Variants in LARP4 observed in about 807,000 individuals in gnomAD.
LARP4 encodes la-related protein 4.
LARP4 carries 29 observed loss-of-function variants against 92.9 expected under a neutral mutation model. The ratio of observed to expected loss-of-function variants is 0.31; its 90% CI spans 0.23 to 0.43. The LOEUF is 0.43. Ranked by LOEUF, LARP4 falls within the 20% of genes least tolerant of loss-of-function variation. The pLI is 1.00. For synonymous variants in LARP4, 279 were observed against 284.1 expected, an observed-to-expected ratio of 0.98 and a Z score of 0.18; for missense variants, 732 against 860.0, an observed-to-expected ratio of 0.85 and a Z score of 1.86.
chr12:50,449,923 ATTTTTTTTTTTTTT>A (rs60763691), intron 8 of LARP4, among the ~76,000 whole-genome samples: 25 of 47,026 alleles, frequency 5.3e-4, no homozygotes, highest in African/African-American at 1.7e-3. Flanking sequence ...AGCCATAGCA[ATTTTTTTTTTTTTT>A]TTTTTTTTTT....
intron 1 of LARP4, among the ~76,000 whole-genome samples, chr12:50,427,108 G>A (rs1251017141): frequency 6.6e-6 from 1 of 151,978 alleles, no homozygotes; most frequent in Non-Finnish European, 1.5e-5. Context: ...ACACTTGCAG[G>A]ACAGATGGAA....
chr12:50,423,900 G>A (rs1592927492), intron 1 of LARP4, among the ~76,000 whole-genome samples: 1 of 151,446 alleles, frequency 6.6e-6, no homozygotes, highest in Non-Finnish European at 1.5e-5. Context: ...GATTACAGGC[G>A]CCCGCCACCA....
chr12:50,472,823 CTT>C (rs779219895), intron 13 of LARP4, among the ~76,000 whole-genome samples: 4 of 141,880 alleles, frequency 2.8e-5, no homozygotes, highest in Non-Finnish European at 6.2e-5. Flanking sequence ...CTATGTTTAA[CTT>C]TTTTTTTTTT....
rs780089981 is a variant in LARP4, at chr12:50,474,199, A to C, written c.1836+32A>C. 2.0e-4 allele frequency: 312 copies of C among 1,542,150 alleles called. 1 individual carries two copies. Among genetic ancestry groups the C allele is most frequent in the Non-Finnish European group, 2.7e-4 (308 of 1,137,094 alleles). ...TGAAGATTTTAGTTTATGTTAAAAA[A>C]AATACAATAGATTAGATTTTTTTTT... is the stretch of plus-strand genomic sequence containing the variant. On this transcript the variant is annotated intron_variant, in intron 15 of 15. Transcript: ENST00000398473.
chr12:50,466,963 C>T lies in LARP4; in HGVS notation c.1388C>T (p.Pro463Leu). The T allele has an allele frequency of 1.2e-6, 2 of 1,607,256 alleles. No homozygotes were observed. Among genetic ancestry groups the T allele is most frequent in the South Asian group, 2.2e-5 (2 of 90,730 alleles). The change falls in exon 13 of 16, where the codon CCT (proline) becomes CTT (leucine). Residue 463 changes from proline (P) to leucine (L), a missense_variant. Transcript: ENST00000398473. ...RRREDDRISR[P>L]HPSTAESKAP... ...TTTATTATTTGTTCATTTTAGAGACCTCATCCTTCAACAGCTGAATCAAAG... is the reference window on the plus strand; with the variant it reads ...TTTATTATTTGTTCATTTTAGAGACTTCATCCTTCAACAGCTGAATCAAAG...
chr12:50,473,627 A>T (rs1593491620), intron 14 of LARP4, 91 bp downstream of exon 14: 2 of 1,346,272 alleles, frequency 1.5e-6, no homozygotes, highest in East Asian at 5.1e-5. Flanking sequence ...GCACTTTGGG[A>T]GGCCGAGGCA....
Position 50,430,584 on chromosome 12 carries a change from C to T in LARP4, c.398+14C>T, listed in dbSNP as rs748786676. 1.3e-6 allele frequency: 2 copies of T among 1,513,132 alleles called. No homozygotes were observed. Among genetic ancestry groups the T allele is most frequent in the Non-Finnish European group, 1.8e-6 (2 of 1,099,342 alleles). The allele number at this position is 1,513,132 out of a possible 1,614,324, so 93.7% of individuals were successfully genotyped here. A position where few individuals can be genotyped will look rare whatever the true frequency, so the allele number is the denominator to read the frequency against. On this transcript the variant is annotated intron_variant, in intron 4 of 15. Coordinates refer to ENST00000398473, the MANE Select transcript of LARP4 (RefSeq NM_052879.5). ...CTGTTTTTCACGGTATTGCTGTTTC[C>T]CCTTTATTGAATTTTATTAGTAGAT...
At chr12:50,404,520 A>G (rs1288301693) in intron 1 of LARP4, among the ~76,000 whole-genome samples, 2 of 152,034 alleles carry the variant, frequency 1.3e-5, no homozygotes, top group Admixed American at 1.3e-4. Context: ...GTGCCACTGC[A>G]TTCCAGGCCG....
chr12:50,432,390 A>T (rs1261838681), intron 4 of LARP4, among the ~76,000 whole-genome samples: 1 of 152,040 alleles, frequency 6.6e-6, no homozygotes, highest in Non-Finnish European at 1.5e-5. Flanking sequence ...TTTTAAATGG[A>T]CTCAGTTCAC....
intron 1 of LARP4, among the ~76,000 whole-genome samples, chr12:50,406,816 A>T (rs185826703): frequency 6.6e-6 from 1 of 151,442 alleles, no homozygotes; most frequent in Admixed American, 6.6e-5. Context: ...TCCTGGGTTC[A>T]AGTGATTCTC....
chr12:50,465,743 G>A (rs1214197449), intron 12 of LARP4, among the ~76,000 whole-genome samples: 1 of 152,134 alleles, frequency 6.6e-6, no homozygotes, highest in African/African-American at 2.4e-5. Context: ...ATGTTATCTC[G>A]GTTGTAGGCA....
chr12:50,404,931 G>A (rs897103648), intron 1 of LARP4, among the ~76,000 whole-genome samples: 1 of 151,024 alleles, frequency 6.6e-6, no homozygotes, highest in Non-Finnish European at 1.5e-5. Flanking sequence ...CTCATGATTC[G>A]CCCACCTCGG....
At chr12:50,452,035 T>A (rs1418328692) in intron 8 of LARP4, among the ~76,000 whole-genome samples, 1 of 152,048 alleles carries the variant, frequency 6.6e-6, no homozygotes, top group East Asian at 1.9e-4. Flanking sequence ...CTGAATGGTA[T>A]TCCAGTGTGT....
At chr12:50,458,217 A>G (rs1954682657) in intron 10 of LARP4, among the ~76,000 whole-genome samples, 1 of 151,826 alleles carries the variant, frequency 6.6e-6, no homozygotes, top group Non-Finnish European at 1.5e-5. Context: ...GGGGTTACAG[A>G]TATGAGCCAC....
intron 10 of LARP4, among the ~76,000 whole-genome samples, chr12:50,455,505 A>G (rs1033834127): frequency 2.6e-5 from 4 of 152,140 alleles, no homozygotes; most frequent in Admixed American, 2.0e-4. Context: ...GTTTATTTTC[A>G]GTGACAGTCT....
At position 50,440,501 on chromosome 12, in the gene LARP4, C is replaced by T; in HGVS notation, c.702C>T (p.His234=). The change falls in exon 7 of 16, where the codon CAC becomes CAT. Residue 234 remains histidine, a synonymous_variant. Coordinates refer to ENST00000398473, the MANE Select transcript of LARP4 (RefSeq NM_052879.5). ...CPKVISCEFA[H]NSNWYITFQS... is the part of the protein sequence containing the mutation. ...AAGTGATAAGCTGTGAGTTTGCACA[C>T]AATAGCAACTGGTATATCACTTTCC... The T allele has an allele frequency of 6.2e-7, 1 of 1,613,800 alleles. No individual in the cohort carries two copies. The highest frequency in any genetic ancestry group is 8.5e-7 in the Non-Finnish European group (1 of 1,179,780).
At chr12:50,408,799 T>G (rs1416473122) in intron 1 of LARP4, among the ~76,000 whole-genome samples, 1 of 152,186 alleles carries the variant, frequency 6.6e-6, no homozygotes, top group Non-Finnish European at 1.5e-5. Context: ...CCTGCTATAC[T>G]AACAAAGTAA....
chr12:50,437,492 TTACTCTGTTAAG>T (rs1950607421), intron 5 of LARP4, among the ~76,000 whole-genome samples: 1 of 152,210 alleles, frequency 6.6e-6, no homozygotes. Context: ...AGTGCCAAAC[TTACTCTGTTAAG>T]TACTCTGAAT....
intron 13 of LARP4, among the ~76,000 whole-genome samples, chr12:50,468,270 G>T (rs939410670): frequency 6.7e-6 from 1 of 149,688 alleles, no homozygotes; most frequent in Admixed American, 6.8e-5. Flanking sequence ...GAGCCACTGC[G>T]CCCGGCCCTG....
Sources: gnomAD v4.1 joint callset for allele counts (sites outside exome capture counted in the v4.1 genomes callset) on GRCh38, gnomAD v4.1.1 for gene constraint, MANE v1.5 for transcripts, NCBI Gene and HGNC (gene_info 2026-07-23, HGNC 2026-07-21) for gene names.